Variants in CAPN12 observed in about 807,000 individuals in gnomAD.
The protein encoded by CAPN12 is calpain-12.
CAPN12 carries 107 observed loss-of-function variants against 95.0 expected under a neutral mutation model. The ratio of observed to expected loss-of-function variants is 1.13; its 90% CI spans 0.96 to 1.32. The LOEUF is 1.32. Among genes scored for constraint, CAPN12 ranks in the 40% most tolerant of loss-of-function variants. The pLI is 0.00. For missense variants in CAPN12, 1,136 were observed against 997.8 expected, an observed-to-expected ratio of 1.14 and a Z score of -1.87; for synonymous variants, 505 against 415.5, an observed-to-expected ratio of 1.22 and a Z score of -2.62.
rs1393840251 is a variant in CAPN12 at position 38,738,362 on chromosome 19, G to A, written c.891-15C>T. 20 of 1,611,780 alleles carry A rather than the reference G, an allele frequency of 1.2e-5. No homozygotes were observed. The highest frequency in any genetic ancestry group is 2.2e-4 in the Middle Eastern group (1 of 4,558). The stretch of plus-strand genomic sequence containing the variant: ...AGCGTGGGCAGCTGGAGAGACTGTG[G>A]TGTGAGGGGCGGGCAGGTGGGGTCC... On this transcript the variant is annotated splice_polypyrimidine_tract_variant and intron_variant, in intron 7 of 20. Transcript: ENST00000328867.
intron 18 of CAPN12, among the ~76,000 whole-genome samples, chr19:38,732,951 CTTGT>C (rs1367021722): frequency 1.6e-4 from 24 of 152,334 alleles, no homozygotes; most frequent in African/African-American, 5.8e-4. Flanking sequence ...TTGTGCTGGG[CTTGT>C]TCCAGCTCAT....
intron 15 of CAPN12, 48 bp from the exon 16 acceptor site, chr19:38,734,437 A>C (rs373477970): frequency 6.6e-7 from 1 of 1,512,304 alleles, no homozygotes; most frequent in Non-Finnish European, 8.9e-7. Flanking sequence ...CATTCTGGCC[A>C]CCACTTTAAG....
Position 38,736,297 on chromosome 19 carries a change from G to A in CAPN12, c.1396C>T (p.Pro466Ser). The change falls in exon 12 of 21, where the codon CCG (proline) becomes TCG (serine). Residue 466 changes from proline (P) to serine (S), a missense_variant. Physicochemically the swap from Pro to Ser is moderately conservative, Grantham distance 74. Coordinates refer to ENST00000328867, the MANE Select transcript of CAPN12 (RefSeq NM_144691.4). ...PEELLGLWDS[P>S]RSHALLPRLL... ...CGGGGCAGGAGCGCATGGCTGCGCG[G>A]GGAATCCCAGAGGCCCAGCAGCTGG... 2 of 1,441,350 alleles carry A rather than the reference G, an allele frequency of 1.4e-6. No homozygotes were observed. Among genetic ancestry groups the A allele is most frequent in the Non-Finnish European group, 1.8e-6 (2 of 1,103,682 alleles). 89.3% of individuals were successfully genotyped at this position (1,441,350 alleles called of 1,614,324 possible). A position where few individuals can be genotyped will look rare whatever the true frequency, so the allele number is the denominator to read the frequency against.
chr19:38,734,829 G>A lies in CAPN12; in HGVS notation c.1728C>T (p.Ser576=), dbSNP rs1969900360. ...LNASQLQALL[S]IALEPARAHT... is the part of the protein sequence containing the mutation. Reference sequence around the variant, plus strand: ...CCAACTCACCAGGCTCCAGGGCAATGCTTAGTAAGGCCTGGAGCTGAGAGG... The same window carrying A: ...CCAACTCACCAGGCTCCAGGGCAATACTTAGTAAGGCCTGGAGCTGAGAGG... The change falls in exon 15 of 21, where the codon AGC becomes AGT. Residue 576 remains serine, a synonymous_variant. Transcript: ENST00000328867. The A allele has an allele frequency of 6.2e-7, 1 of 1,612,684 alleles. No homozygotes were observed. The highest frequency in any genetic ancestry group is 8.5e-7 in the Non-Finnish European group (1 of 1,179,830).
Position 38,738,439 on chromosome 19 carries a change from C to T in CAPN12, c.869G>A (p.Trp290Ter). Residue 290 changes from tryptophan to a stop codon, truncating the protein, a stop_gained, in exon 7 of 21, where the codon TGG (tryptophan) becomes TAG (stop). Transcript: ENST00000328867. LOFTEE classifies it high-confidence loss of function. ...CCACCTGTCGCTCCAGGCCCCCGTC[C>T]ACTCCACGCAGCCCCATGGGTTCCG... is the stretch of plus-strand genomic sequence containing the variant. The part of the protein sequence containing the change: ...RLRNPWGCVE[W>*]TGAWSDSCPR... 6.2e-7 allele frequency: 1 copy of T among 1,610,036 alleles called. No homozygotes were observed. Among genetic ancestry groups the T allele is most frequent in the South Asian group, 1.1e-5 (1 of 90,672 alleles).
At position 38,733,974 on chromosome 19, in the gene CAPN12, G is replaced by A. The variant is rs894152166; in HGVS notation, c.1878+168C>T. 1.1e-5 allele frequency: 9 copies of A among 818,284 alleles called. No individual in the cohort carries two copies. The African/African-American group carries it at 1.2e-4, about 11-fold the overall frequency. 50.7% of individuals were successfully genotyped at this position (818,284 alleles called of 1,614,324 possible). A position where few individuals can be genotyped will look rare whatever the true frequency, so the allele number is the denominator to read the frequency against. ...TGGGAATAAGAGCAATGACCCAGAGGACAAGCTGAGGCTGGGTGGGGGCAG... is the reference window on the plus strand; with the variant it reads ...TGGGAATAAGAGCAATGACCCAGAGAACAAGCTGAGGCTGGGTGGGGGCAG... On this transcript the variant is annotated intron_variant, in intron 17 of 20. Transcript: ENST00000328867.
chr19:38,738,601 G>A lies in CAPN12; in HGVS notation c.777C>T (p.His259=), dbSNP rs377132193. 2.5e-4 allele frequency: 403 copies of A among 1,613,900 alleles called. No homozygotes were observed. Among genetic ancestry groups the A allele is most frequent in the Non-Finnish European group, 3.2e-4 (380 of 1,180,032 alleles). The part of the protein sequence containing the change: ...YRTEEGLVKG[H]AYSITGTHKV... ...TGTGTGTGCCCGTGATGGAATACGC[G>A]TGTCCCTTTACCAGGCCCTCTTCTG... The change falls in exon 6 of 21, where the codon CAC becomes CAT. Residue 259 remains histidine (H), a synonymous_variant. Transcript: ENST00000328867.
Position 38,736,204 on chromosome 19 carries a change from G to T in CAPN12, c.1489C>A (p.Pro497Thr). Reference sequence around the variant, plus strand: ...CTCGGCACCACCAGGTAGTGGCCTGGACGCAGGCAGCAGCGGCGGGTCACG... The same window carrying T: ...CTCGGCACCACCAGGTAGTGGCCTGTACGCAGGCAGCAGCGGCGGGTCACG... ...RDVTRRCCLR[P>T]GHYLVVPSTA... The change falls in exon 12 of 21, where the codon CCA (proline) becomes ACA (threonine). Residue 497 changes from proline to threonine, a missense_variant. Coordinates refer to ENST00000328867, the MANE Select transcript of CAPN12 (RefSeq NM_144691.4). 1.3e-6 allele frequency: 2 copies of T among 1,509,688 alleles called. No homozygotes were observed. The highest frequency in any genetic ancestry group is 1.2e-5 in the South Asian group (1 of 80,984). 93.5% of individuals were successfully genotyped at this position (1,509,688 alleles called of 1,614,324 possible).
At chr19:38,736,411 CT>C in intron 11 of CAPN12, 93 bp from the exon 12 acceptor site, 1 of 1,516,324 alleles carries the variant, frequency 6.6e-7, no homozygotes. Context: ...TGCCTAACCC[CT>C]GTCCACGCCT....
chr19:38,743,185 A>T (rs944467906), intron 1 of CAPN12, 83 bp from the exon 2 acceptor site: 2 of 1,528,612 alleles, frequency 1.3e-6, no homozygotes, highest in African/African-American at 2.7e-5. Context: ...CTCCAAGCCC[A>T]TGAAAGGCCT....
chr19:38,743,777 C>T (rs1970727832), intron 1 of CAPN12, 152 bp downstream of exon 1: 1 of 715,920 alleles, frequency 1.4e-6, no homozygotes, highest in East Asian at 2.7e-5. Flanking sequence ...CCCAGCCCCT[C>T]CTCCCTCAGA....
In CAPN12 at chr19:38,738,416, A is replaced by G; in HGVS notation, c.890+2T>C. 1.2e-6 allele frequency: 2 copies of G among 1,607,976 alleles called. No homozygotes were observed. The highest frequency in any genetic ancestry group is 8.5e-7 in the Non-Finnish European group (1 of 1,177,714). On this transcript the variant is annotated splice_donor_variant, in intron 7 of 20. Transcript: ENST00000328867. LOFTEE classifies it high-confidence loss of function. ...CCCACACCCACCCCAGACCCATCCC[A>G]CCTGTCGCTCCAGGCCCCCGTCCAC...
At chr19:38,735,073 G>T in intron 14 of CAPN12, 1 of 610,134 alleles carries the variant, frequency 1.6e-6, no homozygotes, top group Non-Finnish European at 2.9e-6. Context: ...CAGCAGACCG[G>T]CCTGGGGCAG....
intron 4 of CAPN12, among the ~76,000 whole-genome samples, chr19:38,741,090 G>A (rs1970519151): frequency 6.6e-6 from 1 of 152,188 alleles, no homozygotes; most frequent in African/African-American, 2.4e-5. Context: ...AATATTTTGG[G>A]GGTGCTTTAG....
At chr19:38,743,611 A>G (rs1970710214) in intron 1 of CAPN12, among the ~76,000 whole-genome samples, 1 of 121,660 alleles carries the variant, frequency 8.2e-6, no homozygotes, top group African/African-American at 3.2e-5. Flanking sequence ...CCTCAGACCC[A>G]GGTGTCCAGG....
At chr19:38,742,575 T>C (rs1303426923) in intron 2 of CAPN12, 47 bp from the exon 3 acceptor site, 1 of 1,337,728 alleles carries the variant, frequency 7.5e-7, no homozygotes, top group East Asian at 2.5e-5. Flanking sequence ...GAGGGAGGCC[T>C]GGTGCGGTGG....
At chr19:38,735,639 G>GGTAAGGACC in intron 12 of CAPN12, 95 bp from the exon 13 acceptor site, 1 of 1,187,180 alleles carries the variant, frequency 8.4e-7, no homozygotes, top group South Asian at 1.5e-5. Flanking sequence ...GTGGGGTCTA[G>GGTAAGGACC]GTAGGGACCG....
Position 38,737,284 on chromosome 19 carries a change from C to CCCCTGCAG in CAPN12, c.1226_1233dup (p.Ala412LeufsTer30). The CCCCTGCAG allele has an allele frequency of 8.3e-7, 1 of 1,207,042 alleles. No homozygotes were observed. The highest frequency in any genetic ancestry group is 1.1e-6 in the Non-Finnish European group (1 of 883,058). 74.8% of individuals were successfully genotyped at this position (1,207,042 alleles called of 1,614,324 possible). On this transcript the variant is annotated frameshift_variant, in exon 10 of 21. Transcript: ENST00000328867. LOFTEE classifies it high-confidence loss of function. Reference sequence around the variant, plus strand: ...CGGCCCCCCCGCGCTGGGCCCCGTGCCCCTGCAGCCCCCCAGCCCCCCCAG... The same window carrying CCCCTGCAG: ...CGGCCCCCCCGCGCTGGGCCCCGTGCCCCTGCAGCCCTGCAGCCCCCCAGCCCCCCCAG...
chr19:38,734,771 T>C lies in CAPN12; in HGVS notation c.1744+42A>G. On this transcript the variant is annotated intron_variant, in intron 15 of 20. Transcript: ENST00000328867. ...GCACCGGCTCTGGTTGCAGGACCCC[T>C]GGCTAAGACCCCTCCTCCTGCCCCT... 1.9e-6 allele frequency: 3 copies of C among 1,590,686 alleles called. No individual in the cohort carries two copies. In the Middle Eastern group the frequency reaches 5.1e-4, roughly 268 times the overall value.
Sources: allele counts gnomAD v4.1 joint callset (sites outside exome capture counted in the v4.1 genomes callset), GRCh38; gene constraint gnomAD v4.1.1; transcripts MANE v1.5; gene names NCBI Gene and HGNC (gene_info 2026-07-23, HGNC 2026-07-21).